The following SMARCA2 variants were observed in gnomAD, a reference collection of about 807,000 sequenced individuals.
SMARCA2 encodes the protein SWI/SNF related BAF chromatin remodeling complex subunit ATPase 2.
A neutral mutation model predicts 199.8 loss-of-function variants in SMARCA2; 61 were observed. The ratio of observed to expected loss-of-function variants is 0.31; its 90% CI spans 0.25 to 0.38. SMARCA2 has a LOEUF of 0.38. Ranked by LOEUF, SMARCA2 falls within the 10% of genes least tolerant of loss-of-function variation. SMARCA2 has a pLI of 1.00. For missense variants in SMARCA2, 1,344 were observed against 2,012.2 expected (o/e 0.67, Z 6.35); for synonymous variants, 935 against 732.0 (o/e 1.28, Z -4.48).
chr9:2,050,999 C>T (rs1820094306), intron 5 of SMARCA2, among the ~76,000 whole-genome samples: 1 of 152,230 alleles, frequency 6.6e-6, no homozygotes, highest in Admixed American at 6.5e-5. Flanking sequence ...TGCAGTTATG[C>T]AGTATTACAT....
At chr9:2,029,455 T>C (rs995672947) in intron 2 of SMARCA2, among the ~76,000 whole-genome samples, 2 of 152,260 alleles carry the variant, frequency 1.3e-5, no homozygotes, top group Admixed American at 1.3e-4. Context: ...AGATGTTGGC[T>C]TTTTAAAATA....
At chr9:2,087,173 T>G in intron 18 of SMARCA2, 102 bp downstream of exon 18, 1 of 1,416,506 alleles carries the variant, frequency 7.1e-7, no homozygotes. Context: ...GCAGGGTGGT[T>G]TCCACTGTTG....
In SMARCA2 at chr9:2,147,657, C is replaced by T. The variant is rs189367278; in HGVS notation, c.3982-14029C>T. On this transcript the variant is annotated intron_variant, in intron 27 of 33. Coordinates refer to ENST00000349721, the MANE Select transcript of SMARCA2 (RefSeq NM_003070.5). Reference sequence around the variant, plus strand: ...GGTCAGGAGTTCGAGACCAGCCTGGCCAACACGGCAAAACCCTGTCTCTAC... The same window carrying T: ...GGTCAGGAGTTCGAGACCAGCCTGGTCAACACGGCAAAACCCTGTCTCTAC... Among the ~76,000 whole-genome samples the T allele has an allele frequency of 9.0e-3, 1,314 of 146,268 alleles. 12 individuals are homozygous for T. Among genetic ancestry groups the T allele is most frequent in the Non-Finnish European group, 0.013 (851 of 63,822 alleles).
chr9:2,072,012 A>ACAACAGCACAAG (rs1821110886), intron 10 of SMARCA2: 2 of 152,158 alleles, frequency 1.3e-5, no homozygotes, highest in Admixed American at 1.3e-4. Flanking sequence ...TTGCTAATAT[A>ACAACAGCACAAG]TTGTTTCTTG....
chr9:2,087,720 C>T (rs1346118933), intron 18 of SMARCA2, among the ~76,000 whole-genome samples: 1 of 152,100 alleles, frequency 6.6e-6, no homozygotes, highest in Non-Finnish European at 1.5e-5. Flanking sequence ...GGGCACGTGT[C>T]ATTTTCATAG....
chr9:2,158,653 G>T (rs966392220), intron 27 of SMARCA2: 970 of 297,068 alleles, frequency 3.3e-3, no homozygotes, highest in Non-Finnish European at 4.5e-3. Context: ...AAGTTTTGGG[G>T]TTTTTTTTGT....
chr9:2,188,218 G>T (rs969443427), intron 32 of SMARCA2, among the ~76,000 whole-genome samples: 2 of 152,038 alleles, frequency 1.3e-5, no homozygotes, highest in Admixed American at 1.3e-4. Context: ...ATTCATTAAT[G>T]AATGTGAATG....
Position 2,141,634 on chromosome 9 carries a change from G to C in SMARCA2, c.3981+17697G>C, listed in dbSNP as rs3793500. ...GTGGGGCTGGAGTAGGGCAAACTGAGAACAAAGATCTTCATTTTGCCCCAT... is the reference window on the plus strand; with the variant it reads ...GTGGGGCTGGAGTAGGGCAAACTGACAACAAAGATCTTCATTTTGCCCCAT... On this transcript the variant is annotated intron_variant, in intron 27 of 33. Transcript: ENST00000349721. Among the ~76,000 whole-genome samples the C allele has an allele frequency of 2.6e-5, 4 of 152,188 alleles. No individual in the cohort carries two copies. The East Asian group carries it at 7.7e-4, about 29-fold the overall frequency.
At chr9:2,118,432 C>T (rs1376788473) in intron 25 of SMARCA2, among the ~76,000 whole-genome samples, 1 of 152,180 alleles carries the variant, frequency 6.6e-6, no homozygotes, top group Non-Finnish European at 1.5e-5. Flanking sequence ...ACACAGTCAT[C>T]TCATTTGAGC....
intron 27 of SMARCA2, chr9:2,159,584 G>A (rs1012486408): frequency 2.3e-6 from 1 of 427,478 alleles, no homozygotes; most frequent in Admixed American, 3.8e-5. Flanking sequence ...AACCATCTGA[G>A]CTAAAATCTC....
chr9:2,130,635 G>T (rs1280497000), intron 27 of SMARCA2, among the ~76,000 whole-genome samples: 1 of 152,076 alleles, frequency 6.6e-6, no homozygotes, highest in African/African-American at 2.4e-5. Context: ...TGTGCCCAAG[G>T]TGATAACAGT....
chr9:2,118,202 T>C (rs894949389), intron 25 of SMARCA2, among the ~76,000 whole-genome samples: 3 of 152,188 alleles, frequency 2.0e-5, no homozygotes, highest in Non-Finnish European at 4.4e-5. Context: ...TATTTTGTAC[T>C]GTGAAGTCTG....
chr9:2,050,134 G>T (rs1466222268), intron 5 of SMARCA2, among the ~76,000 whole-genome samples: 1 of 152,092 alleles, frequency 6.6e-6, no homozygotes, highest in East Asian at 1.9e-4. Context: ...TTGACAAATT[G>T]ACCTTCTTTT....
chr9:2,189,124 C>T (rs553049758), intron 32 of SMARCA2, among the ~76,000 whole-genome samples: 57 of 152,312 alleles, frequency 3.7e-4, no homozygotes, highest in African/African-American at 1.3e-3. Context: ...TCTAAAATTC[C>T]TTTTGCCATG....
At chr9:2,054,476 A>C (rs760174388) in intron 5 of SMARCA2, 121 bp from the exon 6 acceptor site, 111 of 1,181,182 alleles carry the variant, frequency 9.4e-5, no homozygotes, top group Non-Finnish European at 1.3e-4. Flanking sequence ...GAGATCAACT[A>C]TCAGTATCTG....
chr9:2,178,571 A>G (rs913826468), intron 29 of SMARCA2, among the ~76,000 whole-genome samples: 2 of 152,118 alleles, frequency 1.3e-5, no homozygotes, highest in Non-Finnish European at 1.5e-5. Flanking sequence ...GAAAAAAGCA[A>G]CTTTCTGGCC....
intron 19 of SMARCA2, among the ~76,000 whole-genome samples, chr9:2,092,957 C>G (rs1312937024): frequency 1.3e-5 from 2 of 152,198 alleles, no homozygotes; most frequent in Non-Finnish European, 2.9e-5. Flanking sequence ...ATAAAAACTT[C>G]TCTCGTCACT....
intron 12 of SMARCA2, among the ~76,000 whole-genome samples, chr9:2,074,894 T>G (rs1228199786): frequency 6.6e-6 from 1 of 152,216 alleles, no homozygotes; most frequent in Non-Finnish European, 1.5e-5. Context: ...AAGCAAATAC[T>G]TTTTGGGGGA....
At chr9:2,181,289 ATAAAGAGAT>A (rs1827004724) in intron 29 of SMARCA2, 1 of 239,040 alleles carries the variant, frequency 4.2e-6, no homozygotes, top group South Asian at 6.1e-5. Flanking sequence ...TTCTATCAAA[ATAAAGAGAT>A]ATATTTGCTC....
Sources: allele counts gnomAD v4.1 joint callset (sites outside exome capture counted in the v4.1 genomes callset), GRCh38; gene constraint gnomAD v4.1.1; transcripts MANE v1.5; gene names NCBI Gene and HGNC (gene_info 2026-07-23, HGNC 2026-07-21).